Variants in CNTN5 observed in about 807,000 individuals in gnomAD.
CNTN5 encodes contactin-5.
In CNTN5, 77 loss-of-function variants were observed where a neutral mutation model predicts 129.1. The ratio of observed to expected loss-of-function variants is 0.60; its 90% CI spans 0.50 to 0.72. The LOEUF (loss-of-function observed/expected upper bound fraction) is 0.72. Ranked by LOEUF, CNTN5 falls within the 30% of genes least tolerant of loss-of-function variation. The pLI is 0.00. For synonymous variants in CNTN5, 509 were observed against 465.6 expected (o/e 1.09, Z -1.20); for missense variants, 1,478 against 1,328.8 (o/e 1.11, Z -1.75).
chr11:99,311,482 T>C (rs918725316), intron 1 of CNTN5, among the ~76,000 whole-genome samples: 1 of 152,116 alleles, frequency 6.6e-6, no homozygotes, highest in Non-Finnish European at 1.5e-5. Context: ...TTCATTTTTG[T>C]TTAATATTTT....
At chr11:100,297,886 T>C (rs1262378419) in intron 19 of CNTN5, among the ~76,000 whole-genome samples, 191 bp downstream of exon 19, 1 of 151,540 alleles carries the variant, frequency 6.6e-6, no homozygotes, top group Non-Finnish European at 1.5e-5. Context: ...ACAACAATCT[T>C]ATCAGTTGGA....
At chr11:99,889,059 C>A (rs1948976404) in intron 6 of CNTN5, among the ~76,000 whole-genome samples, 1 of 152,074 alleles carries the variant, frequency 6.6e-6, no homozygotes, top group Admixed American at 6.6e-5. Flanking sequence ...GATTAACTGA[C>A]ATCCGTAGAA....
At chr11:99,536,297 A>C (rs1184877544) in intron 2 of CNTN5, among the ~76,000 whole-genome samples, 4 of 152,244 alleles carry the variant, frequency 2.6e-5, no homozygotes, top group Non-Finnish European at 5.9e-5. Flanking sequence ...AGTTATAGTT[A>C]ATTTTAAATA....
At chr11:99,511,780 C>A (rs544482058) in intron 2 of CNTN5, among the ~76,000 whole-genome samples, 2 of 151,696 alleles carry the variant, frequency 1.3e-5, no homozygotes, top group East Asian at 3.9e-4. Context: ...ATGTAACTAA[C>A]CTGCACATTG....
chr11:99,106,754 A>G (rs1867016590), intron 1 of CNTN5, among the ~76,000 whole-genome samples: 1 of 152,064 alleles, frequency 6.6e-6, no homozygotes, highest in African/African-American at 2.4e-5. Flanking sequence ...TACTAGAGAA[A>G]TGGGTTATTT....
intron 3 of CNTN5, among the ~76,000 whole-genome samples, chr11:99,646,321 A>T (rs1951958454): frequency 6.6e-6 from 1 of 152,208 alleles, no homozygotes; most frequent in African/African-American, 2.4e-5. Context: ...TATGCATTCA[A>T]CTTGTTTTCC....
chr11:100,033,102 T>G (rs1332794071), intron 9 of CNTN5, among the ~76,000 whole-genome samples: 1 of 152,198 alleles, frequency 6.6e-6, no homozygotes, highest in Non-Finnish European at 1.5e-5. Context: ...TCTATGTAAT[T>G]TTTAATTTAA....
chr11:99,857,657 T>C (rs1948080786), intron 6 of CNTN5, among the ~76,000 whole-genome samples: 1 of 152,186 alleles, frequency 6.6e-6, no homozygotes, highest in South Asian at 2.1e-4. Context: ...TTGCATACTA[T>C]TGGTAATATC....
chr11:100,236,078 G>A (rs569997899), intron 16 of CNTN5, among the ~76,000 whole-genome samples: 19 of 152,268 alleles, frequency 1.2e-4, no homozygotes, highest in Admixed American at 6.5e-4. Context: ...CAAAAACCTG[G>A]AGTCCATATA....
chr11:99,770,491 C>T lies in CNTN5; in HGVS notation c.56-49053C>T, dbSNP rs574574373. 3.0e-4 allele frequency among the ~76,000 whole-genome samples: 45 copies of T among 152,026 alleles called. No individual in the cohort carries two copies. The South Asian group carries it at 8.7e-3, about 29-fold the overall frequency. ...TTTGCTTTAACATGTTCTGGAATAACTTAGTGTCTGTATATAGTGAACAGG... is the reference window on the plus strand; with the variant it reads ...TTTGCTTTAACATGTTCTGGAATAATTTAGTGTCTGTATATAGTGAACAGG... On this transcript the variant is annotated intron_variant, in intron 3 of 24. Coordinates refer to ENST00000524871, the MANE Select transcript of CNTN5 (RefSeq NM_014361.4).
chr11:99,090,651 A>G (rs1866201997), intron 1 of CNTN5, among the ~76,000 whole-genome samples: 1 of 151,936 alleles, frequency 6.6e-6, no homozygotes, highest in Non-Finnish European at 1.5e-5. Context: ...CTGAAAAAAA[A>G]AGAAATGTGT....
intron 1 of CNTN5, among the ~76,000 whole-genome samples, chr11:99,120,010 A>T (rs1469622137): frequency 6.6e-6 from 1 of 152,118 alleles, no homozygotes; most frequent in African/African-American, 2.4e-5. Flanking sequence ...TTCTGTGTAG[A>T]TGCTGGACAT....
chr11:99,109,392 T>C (rs1485024546), intron 1 of CNTN5, among the ~76,000 whole-genome samples: 1 of 152,106 alleles, frequency 6.6e-6, no homozygotes, highest in East Asian at 1.9e-4. Context: ...TTTCATATGG[T>C]GCTTACAGTA....
intron 7 of CNTN5, among the ~76,000 whole-genome samples, chr11:99,941,567 GACAA>G (rs1314883276): frequency 1.6e-5 from 1 of 61,228 alleles, no homozygotes; most frequent in African/African-American, 5.2e-5. Flanking sequence ...AAATACATAA[GACAA>G]ACACACACAC....
intron 13 of CNTN5, among the ~76,000 whole-genome samples, chr11:100,083,317 C>A (rs1255492811): frequency 1.7e-3 from 223 of 127,744 alleles, no homozygotes; most frequent in Middle Eastern, 4.4e-3. Flanking sequence ...AACTCTGTCT[C>A]AAAAAAAAAA....
rs142246704 is a variant in CNTN5, at chr11:100,044,110, A to G, written c.981-17102A>G. Among the ~76,000 whole-genome samples the G allele has an allele frequency of 2.7e-3, 399 of 146,342 alleles. 8 individuals are homozygous for G. Among genetic ancestry groups the G allele is most frequent in the South Asian group, 3.0e-3 (14 of 4,612 alleles). ...CCACAGTGTATATATACACACACAC[A>G]CACACACGTATAGACTTACATGTAC... On this transcript the variant is annotated intron_variant, in intron 9 of 24. Transcript: ENST00000524871.
intron 2 of CNTN5, among the ~76,000 whole-genome samples, chr11:99,516,561 G>T (rs1306906339): frequency 2.0e-5 from 3 of 152,022 alleles, no homozygotes; most frequent in African/African-American, 4.8e-5. Flanking sequence ...TTACGCACGG[G>T]CACACAATCC....
rs548073561 is a variant in CNTN5, at chr11:100,020,749, G to A, written c.980+18613G>A. ...TAAATCGCAGAATACAAAATCAACA[G>A]ACAAAAATGAATGGTGTTTCTGTAC... is the stretch of plus-strand genomic sequence containing the variant. On this transcript the variant is annotated intron_variant, in intron 9 of 24. Coordinates refer to ENST00000524871, the MANE Select transcript of CNTN5 (RefSeq NM_014361.4). 6.6e-5 allele frequency among the ~76,000 whole-genome samples: 10 copies of A among 152,080 alleles called. No individual in the cohort carries two copies. The East Asian group carries it at 1.7e-3, about 27-fold the overall frequency.
At chr11:99,606,852 A>T (rs2135716438) in intron 3 of CNTN5, among the ~76,000 whole-genome samples, 1 of 137,936 alleles carries the variant, frequency 7.2e-6, no homozygotes, top group Non-Finnish European at 1.6e-5. Flanking sequence ...TGGGGAAAGG[A>T]TTCCCTATTT....
Sources: allele counts gnomAD v4.1 joint callset (sites outside exome capture counted in the v4.1 genomes callset), GRCh38; gene constraint gnomAD v4.1.1; transcripts MANE v1.5; gene names NCBI Gene and HGNC (gene_info 2026-07-23, HGNC 2026-07-21).